Variants in ANK2 observed in about 807,000 individuals in gnomAD.
ANK2 encodes the protein ankyrin-2.
A neutral mutation model predicts 360.5 loss-of-function variants in ANK2; 83 were observed. That is an observed-to-expected ratio of 0.23 (90% CI 0.19 to 0.28). ANK2 has a LOEUF of 0.28. Among genes scored for constraint, ANK2 ranks in the 10% least tolerant of loss-of-function variants. The pLI is 1.00. For synonymous variants in ANK2, 1,740 were observed against 1,759.5 expected, an observed-to-expected ratio of 0.99 and a Z score of 0.28; for missense variants, 4,201 against 4,795.7, an observed-to-expected ratio of 0.88 and a Z score of 3.66.
chr4:113,015,952 CTT>C (rs2056492700), intron 2 of ANK2, among the ~76,000 whole-genome samples: 1 of 151,990 alleles, frequency 6.6e-6, no homozygotes, highest in Middle Eastern at 3.2e-3. Flanking sequence ...CATACACAAA[CTT>C]TTTCAGAAAG....
chr4:112,941,196 A>G (rs1225102438), intron 2 of ANK2, among the ~76,000 whole-genome samples: 1 of 151,486 alleles, frequency 6.6e-6, no homozygotes, highest in Admixed American at 6.6e-5. Flanking sequence ...AGGATATTAA[A>G]AAAGAACATT....
chr4:113,053,192 C>A (rs1475863468), intron 1 of ANK2, among the ~76,000 whole-genome samples: 2 of 152,102 alleles, frequency 1.3e-5, no homozygotes, highest in African/African-American at 4.8e-5. Context: ...GCTGATAGTA[C>A]CAGGCCCCCT....
chr4:112,739,021 G>A, the ANK2 span: 18 of 613,846 alleles, frequency 2.9e-5, no homozygotes, highest in Admixed American at 1.1e-4. Context: ...ACCAAGAACC[G>A]CAAAGCCATC....
chr4:112,908,386 A>C (rs2085982225), intron 2 of ANK2, among the ~76,000 whole-genome samples: 1 of 152,234 alleles, frequency 6.6e-6, no homozygotes, highest in African/African-American at 2.4e-5. Context: ...GATCCAGATC[A>C]TTTTATTTTA....
chr4:113,013,204 A>C (rs2055365099), intron 2 of ANK2, among the ~76,000 whole-genome samples: 1 of 152,156 alleles, frequency 6.6e-6, no homozygotes, highest in Admixed American at 6.5e-5. Flanking sequence ...TGATTCGTTC[A>C]GAGTGTGTAA....
intron 11 of ANK2, 89 bp from the exon 12 acceptor site, chr4:113,257,961 G>A (rs1023234667): frequency 6.8e-5 from 83 of 1,212,584 alleles, no homozygotes; most frequent in Non-Finnish European, 3.8e-5. Flanking sequence ...ATGTGACGAT[G>A]TAACATTATT....
the ANK2 span, chr4:112,739,255 A>T: frequency 1.1e-5 from 3 of 269,990 alleles, no homozygotes; most frequent in African/African-American, 7.0e-5. Flanking sequence ...ATTTGTCTGG[A>T]TATTTAATGG....
intron 26 of ANK2, among the ~76,000 whole-genome samples, chr4:113,328,764 C>T (rs1033180543): frequency 3.3e-5 from 5 of 152,162 alleles, no homozygotes; most frequent in African/African-American, 9.7e-5. Flanking sequence ...GCACTCTGGG[C>T]TCCTTCGCAC....
Position 113,356,266 on chromosome 4 carries a change from G to A in ANK2, c.7648G>A (p.Val2550Ile), listed in dbSNP as rs1041196848. Residue 2550 changes from valine (V) to isoleucine (I), a missense_variant, in exon 38 of 46, where the codon GTT becomes ATT. This residue lies in a region of ANK2 where 2,642 missense variants were observed against 2,714.5 expected (regional missense o/e 0.97). Transcript: ENST00000357077. ...CAGCTCTGAAGAAGTCAGCTATGAG[G>A]TTACACCCAAAACCACAGATGTAAG... ...TPSSEEVSYE[V>I]TPKTTDVSTP... The A allele has an allele frequency of 1.2e-6, 2 of 1,613,954 alleles. No individual in the cohort carries two copies. Among genetic ancestry groups the A allele is most frequent in the Non-Finnish European group, 1.7e-6 (2 of 1,180,004 alleles).
At chr4:112,810,424 G>A in the ANK2 span, among the ~76,000 whole-genome samples, 1 of 151,986 alleles carries the variant, frequency 6.6e-6, no homozygotes, top group Non-Finnish European at 1.5e-5. Context: ...GTTGGCCCCA[G>A]TGTGTTTTCC....
chr4:112,824,508 A>AT (rs35575987), intron 1 of ANK2, among the ~76,000 whole-genome samples: 2,212 of 142,086 alleles, frequency 0.016, 29 homozygotes, highest in Non-Finnish European at 0.021. Context: ...CACCTTTAGC[A>AT]TTTTTTTTTT....
chr4:113,085,676 G>C (rs1302805050), intron 1 of ANK2, among the ~76,000 whole-genome samples: 1 of 152,164 alleles, frequency 6.6e-6, no homozygotes, highest in Non-Finnish European at 1.5e-5. Flanking sequence ...ATATCTAAGA[G>C]ATAACTTTGT....
chr4:113,011,813 C>A (rs942345996), intron 2 of ANK2, among the ~76,000 whole-genome samples: 2 of 151,932 alleles, frequency 1.3e-5, no homozygotes, highest in Non-Finnish European at 2.9e-5. Context: ...GCCAAAGTGG[C>A]ATATTTTGGG....
the ANK2 span, among the ~76,000 whole-genome samples, chr4:112,812,966 G>A: frequency 2.8e-4 from 42 of 152,194 alleles, 1 homozygote; most frequent in African/African-American, 9.9e-4. Flanking sequence ...TCGGCTGGGC[G>A]CGGTGGCTCA....
chr4:113,038,422 T>C lies in ANK2; in HGVS notation c.21+133908T>C, dbSNP rs77618681. On this transcript the variant is annotated intron_variant, in intron 2 of 30. Coordinates refer to the ANK2 transcript ENST00000503271. ...ATAAAGGGAATGCAGAACATTGCAG[T>C]TCTGGCTAGCAGAGTCTGTTCCTTT... Among the ~76,000 whole-genome samples, 211 of 152,096 alleles carry C rather than the reference T, an allele frequency of 1.4e-3. 1 individual carries two copies. Among genetic ancestry groups the C allele is most frequent in the African/African-American group, 4.8e-3 (201 of 41,520 alleles).
At chr4:113,373,579 G>T in intron 45 of ANK2, 130 bp downstream of exon 45, 1 of 980,584 alleles carries the variant, frequency 1.0e-6, no homozygotes, top group Non-Finnish European at 1.6e-6. Context: ...GCTCTTAGTT[G>T]CACATTCACC....
At chr4:112,777,841 T>G in the ANK2 span, among the ~76,000 whole-genome samples, 10 of 143,072 alleles carry the variant, frequency 7.0e-5, no homozygotes, top group African/African-American at 2.6e-4. Flanking sequence ...TGGTCTTGAA[T>G]TTCTGACCTC....
At chr4:113,200,558 T>G (rs1434556252) in intron 4 of ANK2, among the ~76,000 whole-genome samples, 1 of 152,216 alleles carries the variant, frequency 6.6e-6, no homozygotes, top group Non-Finnish European at 1.5e-5. Context: ...AGCTCTCACT[T>G]CTAAATGAGA....
intron 2 of ANK2, among the ~76,000 whole-genome samples, chr4:113,011,176 T>G (rs1347842413): frequency 6.6e-6 from 1 of 152,170 alleles, no homozygotes; most frequent in African/African-American, 2.4e-5. Context: ...TCAATTTCGC[T>G]AATGTCACAT....
Sources: gnomAD v4.1 joint callset for allele counts (sites outside exome capture counted in the v4.1 genomes callset) on GRCh38, gnomAD v4.1.1 for gene constraint, gnomAD v4.1.1 regional missense constraint, MANE v1.5 for transcripts, NCBI Gene and HGNC (gene_info 2026-07-23, HGNC 2026-07-21) for gene names.